Variants in MTSS1 observed in about 807,000 individuals in gnomAD.
MTSS1 encodes the protein MTSS I-BAR domain containing 1, also known as protein MTSS 1.
Under a neutral mutation model 79.0 loss-of-function variants are expected in MTSS1, and 18 were observed. The ratio of observed to expected loss-of-function variants is 0.23; its 90% CI spans 0.16 to 0.34. The LOEUF is 0.34. Among genes scored for constraint, MTSS1 ranks in the 10% least tolerant of loss-of-function variants. The probability of loss-of-function intolerance (pLI) is 1.00; values close to 1 mark genes in which losing one functional copy is unlikely to be tolerated. For synonymous variants in MTSS1, 341 were observed against 368.6 expected, an observed-to-expected ratio of 0.93 and a Z score of 0.86; for missense variants, 815 against 986.2, an observed-to-expected ratio of 0.83 and a Z score of 2.33.
At chr8:124,652,750 G>C (rs547154475) in intron 3 of MTSS1, among the ~76,000 whole-genome samples, 2 of 147,108 alleles carry the variant, frequency 1.4e-5, no homozygotes, top group Non-Finnish European at 3.0e-5. Flanking sequence ...AGCCGAGATC[G>C]TGCCATTGCA....
chr8:124,676,792 G>A (rs1825370610), intron 3 of MTSS1, among the ~76,000 whole-genome samples: 3 of 152,080 alleles, frequency 2.0e-5, no homozygotes, highest in African/African-American at 7.2e-5. Flanking sequence ...ACTTGAAGGG[G>A]CAAAATGCAA....
At chr8:124,646,950 G>A (rs1255989262) in intron 3 of MTSS1, among the ~76,000 whole-genome samples, 2 of 151,954 alleles carry the variant, frequency 1.3e-5, no homozygotes, top group Non-Finnish European at 2.9e-5. Flanking sequence ...GCCTCAAATG[G>A]TCCTCCCACC....
intron 3 of MTSS1, among the ~76,000 whole-genome samples, chr8:124,689,640 G>T (rs1478188786): frequency 6.6e-6 from 1 of 151,666 alleles, no homozygotes; most frequent in East Asian, 1.9e-4. Context: ...TAACTACTCG[G>T]GAGGATGAGG....
intron 10 of MTSS1, among the ~76,000 whole-genome samples, chr8:124,559,233 G>C (rs1824735802): frequency 6.6e-6 from 1 of 152,134 alleles, no homozygotes; most frequent in Non-Finnish European, 1.5e-5. Context: ...CAGGTCCCCA[G>C]GGAGGCCCCG....
intron 6 of MTSS1, among the ~76,000 whole-genome samples, chr8:124,578,158 G>A (rs2132353576): frequency 6.6e-6 from 1 of 152,270 alleles, no homozygotes; most frequent in Non-Finnish European, 1.5e-5. Flanking sequence ...TCAGTGTGGG[G>A]TGGGGAGACG....
chr8:124,577,200 G>A (rs909507114), intron 6 of MTSS1, among the ~76,000 whole-genome samples: 7 of 152,134 alleles, frequency 4.6e-5, no homozygotes, highest in South Asian at 4.1e-4. Flanking sequence ...TAAATAGCCC[G>A]GCCTCTGAAG....
At chr8:124,590,613 T>A (rs1831685157) in intron 4 of MTSS1, among the ~76,000 whole-genome samples, 2 of 152,230 alleles carry the variant, frequency 1.3e-5, no homozygotes. Flanking sequence ...ATGATGCTGA[T>A]CTGCTTGGAA....
chr8:124,650,030 C>CTT (rs747765543), intron 3 of MTSS1, among the ~76,000 whole-genome samples: 1 of 143,132 alleles, frequency 7.0e-6, no homozygotes, highest in African/African-American at 2.5e-5. Flanking sequence ...GCTGAAGAGC[C>CTT]TTTTTTTTTT....
intron 9 of MTSS1, 122 bp from the exon 10 acceptor site, chr8:124,563,114 C>G: frequency 1.2e-6 from 1 of 803,952 alleles, no homozygotes; most frequent in South Asian, 1.7e-5. Context: ...CAACATAATG[C>G]AATTAGCTCT....
intron 3 of MTSS1, among the ~76,000 whole-genome samples, chr8:124,626,628 A>G (rs1233652758): frequency 2.0e-5 from 3 of 152,072 alleles, no homozygotes; most frequent in Non-Finnish European, 4.4e-5. Context: ...CCATTCAACA[A>G]GGCGGTTTGT....
At chr8:124,663,699 T>C (rs1043246827) in intron 3 of MTSS1, among the ~76,000 whole-genome samples, 6 of 152,168 alleles carry the variant, frequency 3.9e-5, no homozygotes, top group Non-Finnish European at 7.4e-5. Flanking sequence ...CCTCCAAATA[T>C]CAGCTTTCGA....
chr8:124,701,534 A>G (rs900330903), intron 2 of MTSS1, among the ~76,000 whole-genome samples: 1 of 152,224 alleles, frequency 6.6e-6, no homozygotes, highest in African/African-American at 2.4e-5. Context: ...AATTAGCTTT[A>G]TCAAACTTCT....
At chr8:124,558,687 G>T in intron 10 of MTSS1, 1 of 1,515,178 alleles carries the variant, frequency 6.6e-7, no homozygotes, top group Admixed American at 2.0e-5. Context: ...GAGTGGGGCC[G>T]CTGTGGCTGC....
intron 1 of MTSS1, among the ~76,000 whole-genome samples, chr8:124,707,934 C>T (rs1337410809): frequency 6.6e-6 from 1 of 152,148 alleles, no homozygotes; most frequent in Non-Finnish European, 1.5e-5. Flanking sequence ...GCAGAACTGG[C>T]CAGTGGCCTG....
At chr8:124,699,282 C>T (rs1829353303) in intron 3 of MTSS1, 1 of 501,838 alleles carries the variant, frequency 2.0e-6, no homozygotes, top group African/African-American at 2.0e-5. Flanking sequence ...ACCCATCAAG[C>T]CAACTCGTGC....
intron 3 of MTSS1, among the ~76,000 whole-genome samples, chr8:124,656,804 A>G (rs1821044394): frequency 6.6e-6 from 1 of 151,674 alleles, no homozygotes; most frequent in South Asian, 2.1e-4. Context: ...AAAAAAGAAA[A>G]AAGAAAAAAA....
At chr8:124,602,207 A>ATATATACATATATATATATACATATAT in intron 3 of MTSS1, among the ~76,000 whole-genome samples, 1 of 142,224 alleles carries the variant, frequency 7.0e-6, no homozygotes, top group African/African-American at 2.7e-5. Flanking sequence ...ATATATATAT[A>ATATATACATATATATATATACATATAT]ATTTTTTTTT....
At chr8:124,630,626 G>A (rs1815738372) in intron 3 of MTSS1, among the ~76,000 whole-genome samples, 1 of 152,120 alleles carries the variant, frequency 6.6e-6, no homozygotes, top group South Asian at 2.1e-4. Flanking sequence ...AAACATCCGG[G>A]TACCAGCCCC....
At chr8:124,725,118 G>A (rs1833507232) in intron 1 of MTSS1, among the ~76,000 whole-genome samples, 1 of 152,204 alleles carries the variant, frequency 6.6e-6, no homozygotes, top group South Asian at 2.1e-4. Context: ...GAATCGATAT[G>A]TTGTTTACTA....
Sources: gnomAD v4.1 joint callset for allele counts (sites outside exome capture counted in the v4.1 genomes callset) on GRCh38, gnomAD v4.1.1 for gene constraint, MANE v1.5 for transcripts, NCBI Gene and HGNC (gene_info 2026-07-23, HGNC 2026-07-21) for gene names.